SNAPC3: variants seen among roughly 807,000 people sequenced by gnomAD.
SNAPC3 encodes the protein small nuclear RNA activating complex polypeptide 3, also known as snRNA-activating protein complex subunit 3.
In SNAPC3, 56 loss-of-function variants were observed where a neutral mutation model predicts 47.7. That is an observed-to-expected ratio of 1.18 (90% CI 0.95 to 1.47). The LOEUF is 1.47. SNAPC3 is among the 40% of genes most tolerant of loss of function. SNAPC3 has a pLI of 0.00. For synonymous variants in SNAPC3, 235 were observed against 189.9 expected, an observed-to-expected ratio of 1.24 and a Z score of -1.95; for missense variants, 665 against 511.3, an observed-to-expected ratio of 1.30 and a Z score of -2.90.
chr9:15,465,125 T>C (rs2035528850), downstream of SNAPC3: 1 of 233,104 alleles, frequency 4.3e-6, no homozygotes, highest in African/African-American at 2.2e-5. Context: ...AAATCCAAGG[T>C]TTGTAAAAAC....
downstream of SNAPC3, chr9:15,463,007 G>A (rs1445197727): frequency 6.6e-6 from 1 of 152,008 alleles, no homozygotes; most frequent in African/African-American, 2.4e-5. Context: ...GTATGAGTAG[G>A]AACACAGACA....
downstream of SNAPC3, chr9:15,463,567 C>A (rs2035391650): frequency 6.6e-6 from 1 of 151,950 alleles, no homozygotes; most frequent in Non-Finnish European, 1.5e-5. Flanking sequence ...CCTTGTCAAG[C>A]TGTGGAGTTT....
At chr9:15,466,639 G>A, downstream of SNAPC3, 1 of 769,228 alleles carries the variant, frequency 1.3e-6, no homozygotes, top group African/African-American at 1.8e-5. Flanking sequence ...CAGGAATTGG[G>A]TGATCAAAAG....
At position 15,460,203 on chromosome 9, in the gene SNAPC3, CAG is replaced by C. The variant is rs1455708918; in HGVS notation, c.*340_*341del. 4 of 165,306 alleles carry C rather than the reference CAG, an allele frequency of 2.4e-5. No homozygotes were observed. The highest frequency in any genetic ancestry group is 2.0e-4 in the South Asian group (1 of 5,016). The allele number at this position is 165,306 out of a possible 1,614,324, so 10.2% of individuals were successfully genotyped here. ...ATGCCTTCCCTATTCATTCTCTGTC[CAG>C]AGTTTTTTGCTAAAGATAGAATTAT... On this transcript the variant is annotated 3_prime_UTR_variant, in exon 9 of 9. Transcript: ENST00000380821.
intron 7 of SNAPC3, among the ~76,000 whole-genome samples, chr9:15,454,029 G>A (rs2034586784): frequency 2.6e-5 from 4 of 152,124 alleles, no homozygotes. Flanking sequence ...GAGCCCAGGA[G>A]TTCGAGACCA....
intron 1 of SNAPC3, among the ~76,000 whole-genome samples, chr9:15,423,622 G>T (rs374310997): frequency 6.6e-6 from 1 of 152,088 alleles, no homozygotes; most frequent in Non-Finnish European, 1.5e-5. Flanking sequence ...GGACCTTCCG[G>T]GTATTCTGTT....
intron 5 of SNAPC3, among the ~76,000 whole-genome samples, chr9:15,447,832 A>G (rs2034067405): frequency 6.6e-6 from 1 of 152,190 alleles, no homozygotes; most frequent in Non-Finnish European, 1.5e-5. Context: ...AGGAGAGAGC[A>G]TATGAAGTTG....
At chr9:15,444,451 G>A (rs775416702) in intron 3 of SNAPC3, 151 bp from the exon 4 acceptor site, 7 of 569,848 alleles carry the variant, frequency 1.2e-5, no homozygotes, top group Non-Finnish European at 2.2e-5. Flanking sequence ...TGAAACTAAA[G>A]CTTAGAGATG....
rs2030832085 is a variant in SNAPC3, at chr9:15,423,267, G to A, written c.314+74G>A. ...CAGCCTTGCTCGTGCGCTCCTCTGG[G>A]ACTCATCCCTGAGAAGGGCCTGTGG... On this transcript the variant is annotated intron_variant, in intron 1 of 8. Transcript: ENST00000380821. 8 of 1,406,612 alleles carry A rather than the reference G, an allele frequency of 5.7e-6. 1 individual carries two copies. The South Asian group carries it at 9.6e-5, about 17-fold the overall frequency. The allele number at this position is 1,406,612 out of a possible 1,614,324, so 87.1% of individuals were successfully genotyped here.
chr9:15,457,964 G>C lies in SNAPC3; in HGVS notation c.985G>C (p.Val329Leu), dbSNP rs1219590851. 6.4e-7 allele frequency: 1 copy of C among 1,569,008 alleles called. No homozygotes were observed. Among genetic ancestry groups the C allele is most frequent in the African/African-American group, 1.4e-5 (1 of 72,472 alleles). The change falls in exon 8 of 9, where the codon GTG becomes CTG. Residue 329 changes from valine to leucine, a missense_variant. Val to Leu is a conservative substitution (Grantham distance 32). Coordinates refer to ENST00000380821, the MANE Select transcript of SNAPC3 (RefSeq NM_001039697.2). ...HVIVITDIRL[V>L]HHDDCLDRTL... ...TTATTTTCCCACGAACAAAAGGCTT[G>C]TGCATCATGATGACTGCTTGGATAG...
At chr9:15,441,757 T>C (rs1195030381) in intron 3 of SNAPC3, among the ~76,000 whole-genome samples, 1 of 152,210 alleles carries the variant, frequency 6.6e-6, no homozygotes. Context: ...GAATTTTTCT[T>C]AGTACAGAAC....
downstream of SNAPC3, among the ~76,000 whole-genome samples, chr9:15,466,289 G>T (rs1159058558): frequency 6.6e-6 from 1 of 152,204 alleles, no homozygotes; most frequent in African/African-American, 2.4e-5. Context: ...TGAGGCAGGA[G>T]AATCGCTTGA....
At chr9:15,436,485 A>G (rs933982124) in intron 3 of SNAPC3, among the ~76,000 whole-genome samples, 1 of 152,158 alleles carries the variant, frequency 6.6e-6, no homozygotes, top group African/African-American at 2.4e-5. Context: ...TATAAGTTTC[A>G]TTGTTACATT....
At chr9:15,434,906 G>T (rs1587223785) in intron 3 of SNAPC3, among the ~76,000 whole-genome samples, 3 of 152,166 alleles carry the variant, frequency 2.0e-5, no homozygotes, top group African/African-American at 7.2e-5. Flanking sequence ...TTGGTGTACA[G>T]ATATCTTTTT....
chr9:15,433,271 G>GA (rs74311447), intron 2 of SNAPC3, among the ~76,000 whole-genome samples: 7,061 of 118,944 alleles, frequency 0.059, 468 homozygotes, highest in African/African-American at 0.18. Flanking sequence ...ATCTGGAACA[G>GA]AAAAAAAAAA....
intron 3 of SNAPC3, among the ~76,000 whole-genome samples, chr9:15,438,786 T>C: frequency 6.6e-6 from 1 of 152,228 alleles, no homozygotes; most frequent in Non-Finnish European, 1.5e-5. Context: ...TCCTGGAGAA[T>C]GGTTCACATG....
At chr9:15,456,082 C>G (rs894916272) in intron 7 of SNAPC3, among the ~76,000 whole-genome samples, 1 of 152,214 alleles carries the variant, frequency 6.6e-6, no homozygotes, top group African/African-American at 2.4e-5. Flanking sequence ...CCATGTTGGT[C>G]AGGCTGGTCT....
intron 3 of SNAPC3, among the ~76,000 whole-genome samples, chr9:15,441,105 C>A (rs2033309425): frequency 6.6e-6 from 1 of 151,644 alleles, no homozygotes; most frequent in African/African-American, 2.4e-5. Flanking sequence ...GCTAACTGAA[C>A]ACATTTTTAA....
intron 3 of SNAPC3, among the ~76,000 whole-genome samples, chr9:15,434,034 A>C (rs976158115): frequency 6.6e-6 from 1 of 152,256 alleles, no homozygotes; most frequent in Non-Finnish European, 1.5e-5. Flanking sequence ...ATTAGGAGCT[A>C]GTAGACACGA....
Sources: gnomAD v4.1 joint callset for allele counts (sites outside exome capture counted in the v4.1 genomes callset) on GRCh38, gnomAD v4.1.1 for gene constraint, MANE v1.5 for transcripts, NCBI Gene and HGNC (gene_info 2026-07-23, HGNC 2026-07-21) for gene names.